Variants in ZNF138 observed in about 807,000 individuals in gnomAD.
ZNF138 encodes the protein zinc finger protein 138, also known as zinc finger protein 138 (clone pHZ-32).
In ZNF138, 33 loss-of-function variants were observed where a neutral mutation model predicts 33.0. The ratio of observed to expected loss-of-function variants is 1.00; its 90% confidence interval spans 0.76 to 1.34. The LOEUF (loss-of-function observed/expected upper bound fraction) is 1.34. ZNF138 is among the 40% of genes most tolerant of loss of function. The probability of loss-of-function intolerance (pLI) is 0.00; values close to 1 mark genes in which losing one functional copy is unlikely to be tolerated. For synonymous variants in ZNF138, 139 were observed against 120.4 expected (o/e 1.15, Z -1.01); for missense variants, 360 against 370.8 (o/e 0.97, Z 0.24).
At chr7:64,848,637 T>C in the ZNF138 span, among the ~76,000 whole-genome samples, 4 of 151,964 alleles carry the variant, frequency 2.6e-5, no homozygotes, top group African/African-American at 9.7e-5. Context: ...TTCTGAATTA[T>C]TTTTTCAGGT....
intron 1 of ZNF138, among the ~76,000 whole-genome samples, chr7:64,805,746 T>C (rs1477196460): frequency 6.6e-6 from 1 of 152,208 alleles, no homozygotes; most frequent in African/African-American, 2.4e-5. Context: ...ACCATTTCTA[T>C]AGGAGAGTGA....
intron 1 of ZNF138, among the ~76,000 whole-genome samples, chr7:64,802,024 T>C (rs1459963493): frequency 6.6e-6 from 1 of 152,086 alleles, no homozygotes; most frequent in Admixed American, 6.6e-5. Context: ...CCTCGGGAGG[T>C]CCTGTGATCA....
At chr7:64,833,907 G>A (rs561461876), downstream of ZNF138, among the ~76,000 whole-genome samples, 14 of 152,180 alleles carry the variant, frequency 9.2e-5, no homozygotes, top group Admixed American at 3.3e-4. Flanking sequence ...GTATTTTTTA[G>A]TAGAGACAGG....
At chr7:64,806,060 T>C (rs1280403990) in intron 1 of ZNF138, among the ~76,000 whole-genome samples, 1 of 152,230 alleles carries the variant, frequency 6.6e-6, no homozygotes, top group Non-Finnish European at 1.5e-5. Flanking sequence ...TGTGGAGTTA[T>C]TCTGGTGCTG....
chr7:64,814,660 G>A (rs1460757702), intron 1 of ZNF138, among the ~76,000 whole-genome samples: 3 of 152,000 alleles, frequency 2.0e-5, no homozygotes, highest in African/African-American at 7.3e-5. Flanking sequence ...CAGCTACTCG[G>A]GATGCTGAGG....
chr7:64,842,083 A>C, the ZNF138 span, among the ~76,000 whole-genome samples: 2 of 152,210 alleles, frequency 1.3e-5, no homozygotes, highest in Non-Finnish European at 2.9e-5. Context: ...TTTATTTATG[A>C]AATGGAATCT....
intron 3 of ZNF138, among the ~76,000 whole-genome samples, chr7:64,823,098 T>C (rs1324570143): frequency 1.3e-5 from 2 of 152,040 alleles, no homozygotes; most frequent in African/African-American, 4.8e-5. Context: ...CAGGCTGGTC[T>C]TGAACTCCCG....
rs150693267 is a variant in ZNF138, at chr7:64,807,347, C to A, written c.4-7571C>A. Among the ~76,000 whole-genome samples, 597 of 152,326 alleles carry A rather than the reference C, an allele frequency of 3.9e-3. 2 individuals are homozygous for A. The highest frequency in any genetic ancestry group is 0.014 in the African/African-American group (563 of 41,574). On this transcript the variant is annotated intron_variant, in intron 1 of 3. Coordinates refer to ENST00000307355, the MANE Select transcript of ZNF138 (RefSeq NM_001271639.2). ...CACTCTGTCCCTCTTTTTGCCTTTACAAATCCACTTATAACTGCTGCTAAT... is the reference window on the plus strand; with the variant it reads ...CACTCTGTCCCTCTTTTTGCCTTTAAAAATCCACTTATAACTGCTGCTAAT...
rs34197599 is a variant in ZNF138, at chr7:64,812,850, C to CTTTTTTTTTTT, written c.4-2060_4-2050dup. Among the ~76,000 whole-genome samples, 2 of 142,074 alleles carry CTTTTTTTTTTT rather than the reference C, an allele frequency of 1.4e-5. 1 individual carries two copies. The highest frequency in any genetic ancestry group is 5.2e-5 in the African/African-American group (2 of 38,274). 93.2% of individuals were successfully genotyped at this position (142,074 alleles called of 152,430 possible). Reference sequence around the variant, plus strand: ...GAAGGAGAAAGGGGAAAAAAATTGCCTTTTTTTTTTTTTTTTTTAGCTTAA... The same window carrying CTTTTTTTTTTT: ...GAAGGAGAAAGGGGAAAAAAATTGCCTTTTTTTTTTTTTTTTTTTTTTTTTTTTTAGCTTAA... On this transcript the variant is annotated intron_variant, in intron 1 of 3. Coordinates refer to ENST00000307355, the MANE Select transcript of ZNF138 (RefSeq NM_001271639.2).
intron 1 of ZNF138, 56 bp downstream of exon 1, chr7:64,794,627 G>A (rs1340701413): frequency 6.2e-7 from 1 of 1,611,662 alleles, no homozygotes; most frequent in Admixed American, 1.7e-5. Flanking sequence ...GTTGGAACCG[G>A]TCGGAAGTGG....
chr7:64,816,905 C>T (rs1788682889), intron 3 of ZNF138, among the ~76,000 whole-genome samples: 1 of 152,138 alleles, frequency 6.6e-6, no homozygotes, highest in South Asian at 2.1e-4. Context: ...GGCTGCTGGG[C>T]CTGCACTAGG....
At chr7:64,835,738 G>T (rs1487976359), downstream of ZNF138, 1 of 152,254 alleles carries the variant, frequency 6.6e-6, no homozygotes, top group African/African-American at 2.4e-5. Flanking sequence ...CTGTAGGGAG[G>T]CCAGGGACTC....
At chr7:64,801,076 G>T (rs1056745766) in intron 1 of ZNF138, among the ~76,000 whole-genome samples, 2 of 151,872 alleles carry the variant, frequency 1.3e-5, no homozygotes, top group African/African-American at 2.4e-5. Flanking sequence ...CATTAATCTT[G>T]CTAGTGGGTT....
At chr7:64,835,040 G>A (rs910541169), downstream of ZNF138, among the ~76,000 whole-genome samples, 3 of 152,142 alleles carry the variant, frequency 2.0e-5, no homozygotes, top group Admixed American at 6.6e-5. Flanking sequence ...GGTGCAGCGC[G>A]CTTTTATGGA....
chr7:64,838,223 A>T (rs1790418867), downstream of ZNF138, among the ~76,000 whole-genome samples: 1 of 152,200 alleles, frequency 6.6e-6, no homozygotes, highest in South Asian at 2.1e-4. Flanking sequence ...AGGGGTCGCC[A>T]TGTGGAGACA....
intron 3 of ZNF138, among the ~76,000 whole-genome samples, chr7:64,819,932 G>A (rs1030480353): frequency 6.7e-6 from 1 of 150,346 alleles, no homozygotes; most frequent in South Asian, 2.1e-4. Context: ...TAATAGCCAG[G>A]CATGGTCTTG....
At chr7:64,840,775 C>G in the ZNF138 span, among the ~76,000 whole-genome samples, 2 of 152,054 alleles carry the variant, frequency 1.3e-5, no homozygotes, top group Non-Finnish European at 2.9e-5. Context: ...TCTCTGCCTG[C>G]AAACATACAG....
At chr7:64,810,622 C>T (rs960770402) in intron 1 of ZNF138, among the ~76,000 whole-genome samples, 52 of 151,302 alleles carry the variant, frequency 3.4e-4, no homozygotes, top group Middle Eastern at 3.4e-3. Flanking sequence ...ATTAGAAGTT[C>T]ACAAACTGTG....
intron 3 of ZNF138, among the ~76,000 whole-genome samples, chr7:64,829,073 A>G (rs1417278220): frequency 6.6e-6 from 1 of 152,148 alleles, no homozygotes; most frequent in African/African-American, 2.4e-5. Flanking sequence ...AGTGATCTAT[A>G]CAAATTCAGT....
Sources: allele counts gnomAD v4.1 joint callset (sites outside exome capture counted in the v4.1 genomes callset), GRCh38; gene constraint gnomAD v4.1.1; transcripts MANE v1.5; gene names NCBI Gene and HGNC (gene_info 2026-07-23, HGNC 2026-07-21).